SMAD5: variants seen among roughly 807,000 people sequenced by gnomAD.
SMAD5 encodes MAD, mothers against decapentaplegic homolog 5.
A neutral mutation model predicts 43.1 loss-of-function variants in SMAD5; 9 were observed. That is an observed-to-expected ratio of 0.21 (90% CI 0.13 to 0.36). The LOEUF (loss-of-function observed/expected upper bound fraction) is 0.36, where lower values mean the gene tolerates loss of function less well. Ranked by LOEUF, SMAD5 falls within the 10% of genes least tolerant of loss-of-function variation. The pLI, the probability that SMAD5 is intolerant of heterozygous loss-of-function variation, is 1.00. For synonymous variants in SMAD5, 190 were observed against 192.4 expected (o/e 0.99, Z 0.10); for missense variants, 348 against 574.0 (o/e 0.61, Z 4.02).
intron 2 of SMAD5, among the ~76,000 whole-genome samples, chr5:136,151,806 T>C (rs996883038): frequency 6.6e-6 from 1 of 151,996 alleles, no homozygotes; most frequent in African/African-American, 2.4e-5. Context: ...ATATATATAT[T>C]TTTTTGTTTG....
intron 7 of SMAD5, among the ~76,000 whole-genome samples, chr5:136,176,277 A>G (rs1754411024): frequency 6.6e-6 from 1 of 151,842 alleles, no homozygotes; most frequent in South Asian, 2.1e-4. Flanking sequence ...AACATGGTGA[A>G]ACCCTGTCTC....
chr5:136,173,557 C>T (rs1429961903), intron 6 of SMAD5, among the ~76,000 whole-genome samples: 1 of 151,968 alleles, frequency 6.6e-6, no homozygotes, highest in Non-Finnish European at 1.5e-5. Flanking sequence ...AGTGAAGTGC[C>T]TCACTTCTAG....
intron 5 of SMAD5, among the ~76,000 whole-genome samples, chr5:136,163,596 G>A (rs1418800261): frequency 6.6e-6 from 1 of 151,970 alleles, no homozygotes; most frequent in Admixed American, 6.6e-5. Context: ...TCTTTAAAAA[G>A]GTTTCTCTGC....
intron 5 of SMAD5, among the ~76,000 whole-genome samples, chr5:136,171,497 T>A (rs1754216731): frequency 6.6e-6 from 1 of 152,244 alleles, no homozygotes; most frequent in Non-Finnish European, 1.5e-5. Flanking sequence ...CAAAGAGGTT[T>A]ATTCTCCAGC....
chr5:136,150,109 C>T (rs1040794652), intron 2 of SMAD5, among the ~76,000 whole-genome samples: 8 of 151,646 alleles, frequency 5.3e-5, no homozygotes, highest in Non-Finnish European at 1.0e-4. Context: ...GTGAATGTTT[C>T]GTAATATTTA....
chr5:136,165,179 C>T (rs145597299), intron 5 of SMAD5, among the ~76,000 whole-genome samples: 31 of 151,934 alleles, frequency 2.0e-4, no homozygotes, highest in African/African-American at 7.5e-4. Context: ...CAGAGTCTTG[C>T]TCTGTCATGT....
intron 3 of SMAD5, among the ~76,000 whole-genome samples, chr5:136,155,860 A>T (rs1753618255): frequency 6.6e-6 from 1 of 152,180 alleles, no homozygotes; most frequent in South Asian, 2.1e-4. Flanking sequence ...GTTGTCTGGC[A>T]CTTGGTAGGT....
At chr5:136,168,869 C>T (rs1003303248) in intron 5 of SMAD5, among the ~76,000 whole-genome samples, 1 of 152,130 alleles carries the variant, frequency 6.6e-6, no homozygotes, top group Non-Finnish European at 1.5e-5. Context: ...TTAAGTTTCT[C>T]CATGTCTTTT....
In SMAD5 at chr5:136,143,758, A is replaced by G. The variant is rs188345493; in HGVS notation, c.-244-4074A>G. On this transcript the variant is annotated intron_variant, in intron 1 of 7. Transcript: ENST00000545279. ...ATTCTTGCCTCATCCTTAAGCTCCTATTCACTTAGGTGCAGTGTGTTTGAG... is the reference window on the plus strand; with the variant it reads ...ATTCTTGCCTCATCCTTAAGCTCCTGTTCACTTAGGTGCAGTGTGTTTGAG... 7.3e-4 allele frequency among the ~76,000 whole-genome samples: 111 copies of G among 151,936 alleles called. 2 individuals carry two copies. The South Asian group carries it at 0.011, about 15-fold the overall frequency.
At chr5:136,172,178 G>T (rs140982952) in intron 5 of SMAD5, among the ~76,000 whole-genome samples, 1 of 152,150 alleles carries the variant, frequency 6.6e-6, no homozygotes, top group African/African-American at 2.4e-5. Flanking sequence ...CAGCCTTACG[G>T]TATTTTATAG....
Position 136,153,810 on chromosome 5 carries a change from G to A in SMAD5, c.50G>A (p.Arg17Gln), listed in dbSNP as rs1342692844. 7 of 1,613,488 alleles carry A rather than the reference G, an allele frequency of 4.3e-6. No homozygotes were observed. Among genetic ancestry groups the A allele is most frequent in the Admixed American group, 1.7e-5 (1 of 59,908 alleles). Reference protein sequence around the residue: ...LFSFTSPAVKRLLGWKQGDEE... With the variant: ...LFSFTSPAVKQLLGWKQGDEE... ...TCTTTTACTAGTCCAGCAGTAAAGCGATTGTTGGGCTGGAAACAAGGTGAT... is the reference window on the plus strand; with the variant it reads ...TCTTTTACTAGTCCAGCAGTAAAGCAATTGTTGGGCTGGAAACAAGGTGAT... Residue 17 changes from arginine (R) to glutamine (Q), a missense_variant, in exon 3 of 8, where the codon CGA becomes CAA. By Grantham distance (43) the Arg-to-Gln change is conservative. Around this residue, in one of 5 missense-constraint regions of SMAD5, gnomAD observed 39 missense variants for 78.5 expected, o/e 0.50. Coordinates refer to ENST00000545279, the MANE Select transcript of SMAD5 (RefSeq NM_005903.7).
At chr5:136,158,526 C>T (rs1438407582) in intron 3 of SMAD5, among the ~76,000 whole-genome samples, 2 of 152,122 alleles carry the variant, frequency 1.3e-5, no homozygotes, top group East Asian at 3.8e-4. Flanking sequence ...AAATGTGATC[C>T]AGCAGTAGAG....
chr5:136,134,041 G>T (rs1455483052), intron 1 of SMAD5: 11 of 34,260 alleles, frequency 3.2e-4, no homozygotes, highest in African/African-American at 1.2e-3. Context: ...GAGCTTTGGG[G>T]GGGGGGGGGG....
chr5:136,147,666 CT>C (rs1753305730), intron 1 of SMAD5, 165 bp from the exon 2 acceptor site: 2 of 151,714 alleles, frequency 1.3e-5, no homozygotes, highest in South Asian at 2.1e-4. Flanking sequence ...ATGGAATTTG[CT>C]TTATAAGGCT....
chr5:136,142,409 T>C (rs1753115245), intron 1 of SMAD5, among the ~76,000 whole-genome samples: 1 of 152,174 alleles, frequency 6.6e-6, no homozygotes, highest in South Asian at 2.1e-4. Context: ...CATTTATGGC[T>C]GAGGTACCAC....
At position 136,160,880 on chromosome 5, in the gene SMAD5, G is replaced by T; in HGVS notation, c.428G>T (p.Arg143Leu). 6.2e-7 allele frequency: 1 copy of T among 1,613,630 alleles called. No homozygotes were observed. The highest frequency in any genetic ancestry group is 1.3e-5 in the African/African-American group (1 of 74,934). ...GTCTTACCTCCAGTATTAGTGCCTC[G>T]TCATAATGAATTCAATCCACAACAC... ...SPVLPPVLVP[R>L]HNEFNPQHSL... Residue 143 changes from arginine to leucine, a missense_variant, in exon 4 of 8, where the codon CGT (arginine) becomes CTT (leucine). This residue lies in a region of SMAD5 where 185 missense variants were observed against 207.0 expected (regional missense o/e 0.89). Coordinates refer to ENST00000545279, the MANE Select transcript of SMAD5 (RefSeq NM_005903.7).
At chr5:136,133,704 A>C (rs1331359133) in intron 1 of SMAD5, 1 of 152,818 alleles carries the variant, frequency 6.5e-6, no homozygotes, top group Non-Finnish European at 1.5e-5. Context: ...TTAATATTCC[A>C]GTCTCTTCCC....
At position 136,181,248 on chromosome 5, in the gene SMAD5, A is replaced by G. The variant is rs577255578; in HGVS notation, c.*3768A>G. The G allele has an allele frequency of 5.9e-5, 9 of 152,304 alleles. No individual in the cohort carries two copies. The highest frequency in any genetic ancestry group is 2.2e-4 in the African/African-American group (9 of 41,582). The allele number at this position is 152,304 out of a possible 1,614,324, so 9.4% of individuals were successfully genotyped here. ...AGGAAGGAAGAATTTTTTGATAATT[A>G]CTGAGTTCAGCCTTTTGTGATGACT... On this transcript the variant is annotated 3_prime_UTR_variant, in exon 8 of 8. Coordinates refer to ENST00000545279, the MANE Select transcript of SMAD5 (RefSeq NM_005903.7).
At chr5:136,159,089 T>C (rs1419857849) in intron 3 of SMAD5, among the ~76,000 whole-genome samples, 2 of 152,160 alleles carry the variant, frequency 1.3e-5, no homozygotes, top group Non-Finnish European at 2.9e-5. Flanking sequence ...AAAAACATTG[T>C]TCAAGAAAAA....
Sources: allele counts gnomAD v4.1 joint callset (sites outside exome capture counted in the v4.1 genomes callset), GRCh38; gene constraint gnomAD v4.1.1; regional missense constraint gnomAD v4.1.1; transcripts MANE v1.5; gene names NCBI Gene and HGNC (gene_info 2026-07-23, HGNC 2026-07-21).